TRPM7: variants seen among roughly 807,000 people sequenced by gnomAD.
TRPM7 encodes transient receptor potential cation channel subfamily M member 7, also known as LTRPC ion channel family member 7.
Under a neutral mutation model 229.7 loss-of-function variants are expected in TRPM7, and 134 were observed. That is an observed-to-expected ratio of 0.58 (90% CI 0.51 to 0.67). TRPM7 has a LOEUF of 0.67. TRPM7 is among the 30% of genes least tolerant of loss of function. The probability of loss-of-function intolerance (pLI) is 0.00; values close to 1 mark genes in which losing one functional copy is unlikely to be tolerated. For missense variants in TRPM7, 1,901 were observed against 2,210.0 expected, an observed-to-expected ratio of 0.86 and a Z score of 2.80; for synonymous variants, 699 against 715.2, an observed-to-expected ratio of 0.98 and a Z score of 0.36.
At chr15:50,596,846 G>A (rs1032843583) in intron 22 of TRPM7, among the ~76,000 whole-genome samples, 4 of 152,152 alleles carry the variant, frequency 2.6e-5, no homozygotes, top group African/African-American at 9.7e-5. Flanking sequence ...CGGCTCCTGG[G>A]TTAAAGCAAT....
At chr15:50,645,391 G>A (rs12905474) in intron 4 of TRPM7, among the ~76,000 whole-genome samples, 18,968 of 151,652 alleles carry the variant, frequency 0.13, 1,348 homozygotes, top group African/African-American at 0.2. Context: ...ACAAAGTCCC[G>A]CTCTGTCGCC....
intron 4 of TRPM7, among the ~76,000 whole-genome samples, chr15:50,646,325 A>T (rs1379310569): frequency 6.6e-6 from 1 of 152,144 alleles, no homozygotes; most frequent in East Asian, 1.9e-4. Flanking sequence ...TCTGTTGCCC[A>T]GGCTAGACTT....
intron 38 of TRPM7, among the ~76,000 whole-genome samples, chr15:50,564,530 A>G (rs573719073): frequency 9.5e-4 from 144 of 151,992 alleles, no homozygotes; most frequent in African/African-American, 3.4e-3. Context: ...GTCATGCATT[A>G]ACATATATAT....
rs57312939 is a variant in TRPM7, at chr15:50,668,123, G to A, written c.4-5077C>T. 1.5e-4 allele frequency among the ~76,000 whole-genome samples: 23 copies of A among 152,182 alleles called. 1 individual carries two copies. Among genetic ancestry groups the A allele is most frequent in the African/African-American group, 5.1e-4 (21 of 41,520 alleles). ...CTGTTGTCATGTTTTGATCCTCTTC[G>A]AAAGGTGGTTTATAATCAGCTATAG... On this transcript the variant is annotated intron_variant, in intron 1 of 38. Coordinates refer to ENST00000646667, the MANE Select transcript of TRPM7 (RefSeq NM_017672.6).
rs759189372 is a variant in TRPM7 at position 50,624,320 on chromosome 15, T to A, written c.1306-20A>T. 26 of 1,553,212 alleles carry A rather than the reference T, an allele frequency of 1.7e-5. No homozygotes were observed. The highest frequency in any genetic ancestry group is 2.2e-5 in the Non-Finnish European group (25 of 1,151,208). On this transcript the variant is annotated intron_variant, in intron 11 of 38. Transcript: ENST00000646667. The stretch of plus-strand genomic sequence containing the variant: ...TCCAACCTAGGAGTATCAAATTTAA[T>A]AAATACATATTTCACATATTCTAAT...
chr15:50,609,957 A>G lies in TRPM7; in HGVS notation c.2285T>C (p.Ile762Thr). The G allele has an allele frequency of 6.3e-7, 1 of 1,580,432 alleles. No individual in the cohort carries two copies. Among genetic ancestry groups the G allele is most frequent in the Non-Finnish European group, 8.6e-7 (1 of 1,164,442 alleles). The change falls in exon 18 of 39, where the codon ATA becomes ACA. Residue 762 changes from isoleucine (I) to threonine (T), a missense_variant. This residue lies in a region of TRPM7 where 14 missense variants were observed against 16.3 expected (regional missense o/e 0.86). Transcript: ENST00000646667. ...NMRKNSWYKVILSILVPPAIL... is the reference protein window; with the variant it reads ...NMRKNSWYKVTLSILVPPAIL... ...GGCAGGTGGAACTAAAATGCTTAGTATGACCTAAATTTTTAGAAACATAAT... is the reference window on the plus strand; with the variant it reads ...GGCAGGTGGAACTAAAATGCTTAGTGTGACCTAAATTTTTAGAAACATAAT...
Position 50,611,178 on chromosome 15 carries a change from G to C in TRPM7, c.2195C>G (p.Pro732Arg), listed in dbSNP as rs899012263. The change falls in exon 17 of 39, where the codon CCT (proline) becomes CGT (arginine). Residue 732 changes from proline (P) to arginine (R), a missense_variant. Coordinates refer to ENST00000646667, the MANE Select transcript of TRPM7 (RefSeq NM_017672.6). ...TTGTGTACAGGTGTGAGCTACAAAA[G>C]GTCTAAGTCTTGAAGAAACTGCTAA... ...LKLAVSSRLR[P>R]FVAHTCTQML... 2 of 1,613,790 alleles carry C rather than the reference G, an allele frequency of 1.2e-6. No individual in the cohort carries two copies. Among genetic ancestry groups the C allele is most frequent in the African/African-American group, 1.3e-5 (1 of 74,874 alleles).
rs762600199 is a variant in TRPM7, at chr15:50,605,163, C to CA, written c.2710-20dup. 22 of 1,542,690 alleles carry CA rather than the reference C, an allele frequency of 1.4e-5. No homozygotes were observed. The highest frequency in any genetic ancestry group is 2.1e-4 in the Middle Eastern group (1 of 4,688). ...TAAAGATCTAAAGGTTTAACAACAA[C>CA]AAAAAAAAGTGTAATCAGTTTATTC... On this transcript the variant is annotated intron_variant, in intron 20 of 38. Coordinates refer to ENST00000646667, the MANE Select transcript of TRPM7 (RefSeq NM_017672.6).
In TRPM7 at chr15:50,592,626, T is replaced by C; in HGVS notation, c.3609A>G (p.Arg1203=). 4 of 1,528,884 alleles carry C rather than the reference T, an allele frequency of 2.6e-6. No individual in the cohort carries two copies. The highest frequency in any genetic ancestry group is 3.5e-6 in the Non-Finnish European group (4 of 1,139,774). The allele number at this position is 1,528,884 out of a possible 1,614,324, so 94.7% of individuals were successfully genotyped here. A position where few individuals can be genotyped will look rare whatever the true frequency, so the allele number is the denominator to read the frequency against. Residue 1203 remains arginine (R), a splice_region_variant and synonymous_variant, in exon 26 of 39, where the codon AGA becomes AGG. Transcript: ENST00000646667. Reference sequence around the variant, plus strand: ...TAATCTGAATGCACATCTGTTCCACTCTGTAGGAGAGAAATAAGCTTTTTT... The same window carrying C: ...TAATCTGAATGCACATCTGTTCCACCCTGTAGGAGAGAAATAAGCTTTTTT... The part of the protein sequence containing the change: ...SEERIRVTFE[R]VEQMCIQIKE...
At chr15:50,590,898 T>C (rs1307666755) in intron 26 of TRPM7, among the ~76,000 whole-genome samples, 2 of 152,020 alleles carry the variant, frequency 1.3e-5, no homozygotes, top group Non-Finnish European at 2.9e-5. Flanking sequence ...GTGAATCCCA[T>C]ATAGCCTAGA....
intron 21 of TRPM7, 99 bp from the exon 22 acceptor site, chr15:50,599,395 T>C (rs1384904958): frequency 1.9e-5 from 15 of 771,824 alleles, no homozygotes; most frequent in Non-Finnish European, 2.7e-5. Flanking sequence ...AAAAAATCCA[T>C]TAAACACAAA....
At chr15:50,566,694 C>T (rs1323710207) in intron 38 of TRPM7, among the ~76,000 whole-genome samples, 1 of 151,496 alleles carries the variant, frequency 6.6e-6, no homozygotes, top group Admixed American at 6.6e-5. Context: ...GACTCCATCT[C>T]AAAATAAATA....
intron 19 of TRPM7, 80 bp downstream of exon 19, chr15:50,609,501 C>T: frequency 7.5e-7 from 1 of 1,336,724 alleles, no homozygotes; most frequent in Non-Finnish European, 1.0e-6. Flanking sequence ...GTTATATCAA[C>T]ATTAGTATGG....
chr15:50,615,946 A>G (rs2060211312), intron 13 of TRPM7, among the ~76,000 whole-genome samples: 1 of 152,194 alleles, frequency 6.6e-6, no homozygotes, highest in Admixed American at 6.5e-5. Context: ...TAATTTCTAG[A>G]TAACTATATC....
At position 50,559,361 on chromosome 15, in the gene TRPM7, A is replaced by AT. The variant is rs200162706; in HGVS notation, c.*2316dup. The AT allele has an allele frequency of 0.35, 50,077 of 143,556 alleles. 9,736 individuals carry two copies. The highest frequency in any genetic ancestry group is 0.48 in the Admixed American group (7,013 of 14,526). 8.9% of individuals were successfully genotyped at this position (143,556 alleles called of 1,614,324 possible). A position where few individuals can be genotyped will look rare whatever the true frequency, so the allele number is the denominator to read the frequency against. On this transcript the variant is annotated 3_prime_UTR_variant, in exon 39 of 39. Coordinates refer to ENST00000646667, the MANE Select transcript of TRPM7 (RefSeq NM_017672.6). Reference sequence around the variant, plus strand: ...CCACTGCACCTGGCCTAATTTTTGTATTTTTTTTTTTAGCAGAGATAGGAT... The same window carrying AT: ...CCACTGCACCTGGCCTAATTTTTGTATTTTTTTTTTTTAGCAGAGATAGGAT...
chr15:50,571,503 A>C (rs112187429), intron 36 of TRPM7, among the ~76,000 whole-genome samples: 7 of 152,310 alleles, frequency 4.6e-5, no homozygotes, highest in African/African-American at 7.2e-5. Context: ...GCTACACTAT[A>C]GACTATCACG....
chr15:50,663,043 G>A lies in TRPM7; in HGVS notation c.7C>T (p.Gln3Ter). 4 of 1,611,792 alleles carry A rather than the reference G, an allele frequency of 2.5e-6. No homozygotes were observed. The highest frequency in any genetic ancestry group is 3.4e-6 in the Non-Finnish European group (4 of 1,178,412). Residue 3 changes from glutamine (Q) to a stop codon, truncating the protein, a stop_gained, in exon 2 of 39, where the codon CAG becomes TAG. Transcript: ENST00000646667. LOFTEE classifies it high-confidence loss of function. MS[Q>*]KSWIESTLTK... is the part of the protein sequence containing the mutation. ...AAAGTGCTTTCTATCCAGGATTTCT[G>A]GGACTAAAACAAAATGTTTTAAAGA...
intron 3 of TRPM7, among the ~76,000 whole-genome samples, chr15:50,654,961 A>T (rs1425129166): frequency 6.9e-6 from 1 of 145,732 alleles, no homozygotes; most frequent in Non-Finnish European, 1.5e-5. Context: ...AGACTGCGCC[A>T]CTGCACTCCA....
At chr15:50,681,546 C>G (rs1398014766) in intron 1 of TRPM7, among the ~76,000 whole-genome samples, 1 of 152,182 alleles carries the variant, frequency 6.6e-6, no homozygotes, top group Non-Finnish European at 1.5e-5. Flanking sequence ...CTCCTGTTAT[C>G]TCCAGCATAC....
Sources: allele counts gnomAD v4.1 joint callset (sites outside exome capture counted in the v4.1 genomes callset), GRCh38; gene constraint gnomAD v4.1.1; regional missense constraint gnomAD v4.1.1; transcripts MANE v1.5; gene names NCBI Gene and HGNC (gene_info 2026-07-23, HGNC 2026-07-21).